ALK: variants seen among roughly 807,000 people sequenced by gnomAD.
ALK encodes ALK receptor tyrosine kinase.
In ALK, 74 loss-of-function variants were observed where a neutral mutation model predicts 163.1. The observed-to-expected ratio is 0.45, with a 90% confidence interval of 0.38 to 0.55. The LOEUF is 0.55. Ranked by LOEUF, ALK falls within the 20% of genes least tolerant of loss-of-function variation. The pLI, the probability that ALK is intolerant of heterozygous loss-of-function variation, is 0.00. For synonymous variants in ALK, 960 were observed against 843.2 expected, an observed-to-expected ratio of 1.14 and a Z score of -2.40; for missense variants, 2,063 against 2,105.3, an observed-to-expected ratio of 0.98 and a Z score of 0.39.
intron 1 of ALK, among the ~76,000 whole-genome samples, chr2:29,732,655 G>A (rs114049702): frequency 0.026 from 3,892 of 152,248 alleles, 87 homozygotes; most frequent in Non-Finnish European, 0.041. Context: ...AGGAGGTGAG[G>A]CCTTTGAGAG....
At position 29,193,884 on chromosome 2, in the gene ALK, A is replaced by G. The variant is rs55772745; in HGVS notation, c.4203T>C (p.Tyr1401=). ...TCTCTTCCTCTTCCACAAGTGGACC[A>G]TATTCTATCGGCAAAGCGGTGTTGA... ...DVINTALPIE[Y]GPLVEEEEKV... Residue 1401 remains tyrosine (Y), a synonymous_variant, in exon 29 of 29, where the codon TAT becomes TAC. Coordinates refer to ENST00000389048, the MANE Select transcript of ALK (RefSeq NM_004304.5). 5,223 of 1,614,166 alleles carry G rather than the reference A, an allele frequency of 3.2e-3. 168 individuals are homozygous for G. The African/African-American group carries it at 0.062, about 19-fold the overall frequency.
In ALK at chr2:29,921,259, G is replaced by C. The variant is rs1013837553; in HGVS notation, c.-600C>G. On this transcript the variant is annotated 5_prime_UTR_variant, in exon 1 of 29. Coordinates refer to ENST00000389048, the MANE Select transcript of ALK (RefSeq NM_004304.5). ...TATCTCTCCGCTGCGGGAAGGCTTC[G>C]GACTGTCTGCCTGCTGAACTTCTGG... is the stretch of plus-strand genomic sequence containing the variant. 2 of 233,588 alleles carry C rather than the reference G, an allele frequency of 8.6e-6. No individual in the cohort carries two copies. Among genetic ancestry groups the C allele is most frequent in the Middle Eastern group, 1.2e-3 (1 of 806 alleles). The allele number at this position is 233,588 out of a possible 1,614,324, so 14.5% of individuals were successfully genotyped here. A position where few individuals can be genotyped will look rare whatever the true frequency, so the allele number is the denominator to read the frequency against.
chr2:29,489,881 C>G (rs930439015), intron 4 of ALK, among the ~76,000 whole-genome samples: 3 of 152,184 alleles, frequency 2.0e-5, no homozygotes, highest in East Asian at 1.9e-4. Context: ...AGAAGCATGT[C>G]AACAAGAAAG....
At chr2:29,675,440 C>T (rs2631991) in intron 3 of ALK, among the ~76,000 whole-genome samples, 130,162 of 151,926 alleles carry the variant, frequency 0.86, 56,056 homozygotes, top group African/African-American at 0.94. Context: ...GAGAGTTTCC[C>T]CTTAAAGGCA....
At chr2:29,858,738 ATC>A (rs1666208294) in intron 1 of ALK, among the ~76,000 whole-genome samples, 1 of 146,020 alleles carries the variant, frequency 6.8e-6, no homozygotes, top group Admixed American at 6.8e-5. Context: ...GCAAGACTCC[ATC>A]TCAAAAACAA....
intron 1 of ALK, among the ~76,000 whole-genome samples, chr2:29,787,988 A>G (rs1664086561): frequency 6.6e-6 from 1 of 152,250 alleles, no homozygotes; most frequent in African/African-American, 2.4e-5. Flanking sequence ...ATGGAAATGA[A>G]AACACATCAT....
chr2:29,215,559 C>G (rs1185826032), intron 23 of ALK, among the ~76,000 whole-genome samples: 1 of 152,156 alleles, frequency 6.6e-6, no homozygotes, highest in Non-Finnish European at 1.5e-5. Context: ...ACCTGACTCA[C>G]CCCAGGTCAC....
intron 1 of ALK, among the ~76,000 whole-genome samples, chr2:29,884,187 GAGT>G (rs1666934558): frequency 6.6e-6 from 1 of 152,120 alleles, no homozygotes; most frequent in Admixed American, 6.6e-5. Context: ...AAAAAAACAT[GAGT>G]AGTTTTCTCT....
chr2:29,624,579 C>T (rs1676138058), intron 3 of ALK, among the ~76,000 whole-genome samples: 2 of 152,002 alleles, frequency 1.3e-5, no homozygotes, highest in Admixed American at 6.5e-5. Context: ...TAAGACTCAC[C>T]GAGGCCTGCT....
chr2:29,566,231 G>A (rs1333916512), intron 3 of ALK, among the ~76,000 whole-genome samples: 1 of 152,196 alleles, frequency 6.6e-6, no homozygotes, highest in Non-Finnish European at 1.5e-5. Flanking sequence ...TCATTAAAGA[G>A]GTCCACATGA....
chr2:29,437,634 A>G (rs970630601), intron 4 of ALK, among the ~76,000 whole-genome samples: 16 of 152,138 alleles, frequency 1.1e-4, no homozygotes, highest in Non-Finnish European at 1.8e-4. Flanking sequence ...TGAGATAAAC[A>G]ATTATAGAAT....
intron 1 of ALK, among the ~76,000 whole-genome samples, chr2:29,737,079 C>T (rs540800284): frequency 4.0e-5 from 6 of 151,062 alleles, no homozygotes; most frequent in South Asian, 2.1e-4. Context: ...CCAGTAAAAG[C>T]GTTTTGTAGA....
At chr2:29,639,371 C>G (rs1459739244) in intron 3 of ALK, among the ~76,000 whole-genome samples, 1 of 152,170 alleles carries the variant, frequency 6.6e-6, no homozygotes, top group Non-Finnish European at 1.5e-5. Flanking sequence ...CTTCTGTGCA[C>G]TGCCCCTGCC....
At chr2:29,234,736 A>C (rs1459355523) in intron 13 of ALK, among the ~76,000 whole-genome samples, 6 of 152,158 alleles carry the variant, frequency 3.9e-5, no homozygotes, top group Admixed American at 2.0e-4. Flanking sequence ...CGCCTCACAC[A>C]TGGTGGGAAC....
At chr2:29,902,612 A>G (rs1012077326) in intron 1 of ALK, among the ~76,000 whole-genome samples, 2 of 152,204 alleles carry the variant, frequency 1.3e-5, no homozygotes, top group African/African-American at 4.8e-5. Flanking sequence ...TTACCGACAT[A>G]AAATCTCTTC....
intron 3 of ALK, among the ~76,000 whole-genome samples, chr2:29,597,162 G>A (rs375766361): frequency 5.1e-4 from 78 of 152,304 alleles, no homozygotes; most frequent in Non-Finnish European, 9.4e-4. Context: ...TGGGAAATAT[G>A]AGCCTATTAT....
At chr2:29,711,704 G>C (rs1272569696) in intron 2 of ALK, among the ~76,000 whole-genome samples, 1 of 152,098 alleles carries the variant, frequency 6.6e-6, no homozygotes, top group South Asian at 2.1e-4. Context: ...CCAGGGGTGA[G>C]AGCTGAACCA....
chr2:29,888,718 C>G (rs895593625), intron 1 of ALK, among the ~76,000 whole-genome samples: 1 of 152,044 alleles, frequency 6.6e-6, no homozygotes, highest in Non-Finnish European at 1.5e-5. Flanking sequence ...ATTAATTTCC[C>G]AAAAAGGAGT....
intron 5 of ALK, among the ~76,000 whole-genome samples, chr2:29,354,242 C>A (rs4452100): frequency 0.04 from 6,122 of 152,294 alleles, 186 homozygotes; most frequent in Admixed American, 0.079. Context: ...CAGAGTCTTC[C>A]CTGTCTTAGG....
Sources: allele counts gnomAD v4.1 joint callset (sites outside exome capture counted in the v4.1 genomes callset), GRCh38; gene constraint gnomAD v4.1.1; transcripts MANE v1.5; gene names NCBI Gene and HGNC (gene_info 2026-07-23, HGNC 2026-07-21).